The following CHRM2 variants were observed in gnomAD, a reference collection of about 807,000 sequenced individuals.
CHRM2 encodes the protein muscarinic acetylcholine receptor M2.
Under a neutral mutation model 25.0 loss-of-function variants are expected in CHRM2, and 8 were observed. That is an observed-to-expected ratio of 0.32 (90% confidence interval 0.19 to 0.58). The LOEUF is 0.58. Ranked by LOEUF, CHRM2 falls within the 20% of genes least tolerant of loss-of-function variation. The pLI, the probability that CHRM2 is intolerant of heterozygous loss-of-function variation, is 0.88. For missense variants in CHRM2, 440 were observed against 567.1 expected (o/e 0.78, Z 2.28); for synonymous variants, 202 against 205.7 (o/e 0.98, Z 0.15).
At chr7:136,895,275 G>C (rs1424304256) in intron 2 of CHRM2, among the ~76,000 whole-genome samples, 2 of 152,092 alleles carry the variant, frequency 1.3e-5, no homozygotes, top group Non-Finnish European at 2.9e-5. Context: ...TATAATTTGA[G>C]TATGTATAAG....
chr7:136,983,936 G>T (rs1471883038), intron 2 of CHRM2, among the ~76,000 whole-genome samples: 1 of 152,218 alleles, frequency 6.6e-6, no homozygotes, highest in Non-Finnish European at 1.5e-5. Flanking sequence ...CCTTGAGGAG[G>T]TAGTCTGTCC....
chr7:136,933,168 A>G (rs940930399), intron 2 of CHRM2, among the ~76,000 whole-genome samples: 3 of 152,244 alleles, frequency 2.0e-5, no homozygotes, highest in Non-Finnish European at 2.9e-5. Context: ...TGCAAATCAT[A>G]TATCTTTCAA....
At chr7:136,954,766 TCC>T (rs1800621485) in intron 2 of CHRM2, among the ~76,000 whole-genome samples, 4 of 152,196 alleles carry the variant, frequency 2.6e-5, no homozygotes, top group Non-Finnish European at 4.4e-5. Context: ...GATTCTTCCA[TCC>T]TCGTAGCTGC....
chr7:136,933,049 CATAAATAAAT>C (rs1799204265), intron 2 of CHRM2, among the ~76,000 whole-genome samples: 1 of 120,300 alleles, frequency 8.3e-6, no homozygotes, highest in Non-Finnish European at 1.9e-5. Context: ...TAAATAAATA[CATAAATAAAT>C]AAATAATTTT....
At chr7:136,968,983 C>A (rs769517780) in intron 2 of CHRM2, among the ~76,000 whole-genome samples, 1 of 151,774 alleles carries the variant, frequency 6.6e-6, no homozygotes, top group Non-Finnish European at 1.5e-5. Context: ...TAGTTTCACT[C>A]ATCAGAGCCT....
chr7:136,903,822 T>A (rs1338579621), intron 2 of CHRM2, among the ~76,000 whole-genome samples: 2 of 151,882 alleles, frequency 1.3e-5, no homozygotes, highest in Non-Finnish European at 1.5e-5. Flanking sequence ...TAATATGGCC[T>A]TGGGGTTTGG....
chr7:136,970,856 T>C (rs1439218162), intron 2 of CHRM2, among the ~76,000 whole-genome samples: 1 of 152,180 alleles, frequency 6.6e-6, no homozygotes, highest in African/African-American at 2.4e-5. Context: ...AGATTTTGCT[T>C]GGGTCCCAAA....
chr7:136,921,786 C>CTTTTTTTTTTTTTTTTTTTTTTTTTTT (rs1485518823), intron 2 of CHRM2, among the ~76,000 whole-genome samples: 1 of 110,490 alleles, frequency 9.1e-6, no homozygotes, highest in Non-Finnish European at 2.4e-5. Context: ...TTCTTTCTTT[C>CTTTTTTTTTTTTTTTTTTTTTTTTTTT]TTTCTTTCTT....
At chr7:136,968,328 A>G (rs1187507981) in intron 2 of CHRM2, among the ~76,000 whole-genome samples, 1 of 152,036 alleles carries the variant, frequency 6.6e-6, no homozygotes, top group Non-Finnish European at 1.5e-5. Context: ...CCCCAATAAG[A>G]TATCATCTGA....
chr7:137,016,935 TCC>T lies in CHRM2; in HGVS notation c.*671_*672del. The T allele has an allele frequency of 6.0e-6, 1 of 166,886 alleles. No individual in the cohort carries two copies. The allele number at this position is 166,886 out of a possible 1,614,324, so 10.3% of individuals were successfully genotyped here. A position where few individuals can be genotyped will look rare whatever the true frequency, so the allele number is the denominator to read the frequency against. On this transcript the variant is annotated 3_prime_UTR_variant, in exon 4 of 4. Coordinates refer to ENST00000680005, the MANE Select transcript of CHRM2 (RefSeq NM_001006630.2). ...TCTTGTTATGCCACTATTTTGTACA[TCC>T]CTGTTCTATATTGTTTATAGGGAAA...
At chr7:136,930,345 C>A (rs1367758201) in intron 2 of CHRM2, among the ~76,000 whole-genome samples, 1 of 151,602 alleles carries the variant, frequency 6.6e-6, no homozygotes, top group Non-Finnish European at 1.5e-5. Context: ...CTGAGGCCAA[C>A]AATAAAGGTT....
intron 2 of CHRM2, chr7:136,950,898 C>G (rs1800374447): frequency 6.6e-6 from 1 of 152,288 alleles, no homozygotes; most frequent in Non-Finnish European, 1.5e-5. Flanking sequence ...TCACTGCAGC[C>G]TGGGCTCAAG....
chr7:137,008,365 A>C (rs922669149), intron 3 of CHRM2, among the ~76,000 whole-genome samples: 2 of 152,064 alleles, frequency 1.3e-5, no homozygotes, highest in Non-Finnish European at 2.9e-5. Context: ...TTTGTACTGA[A>C]AGCTATGTAT....
At chr7:136,880,861 A>G (rs1397788705) in intron 2 of CHRM2, among the ~76,000 whole-genome samples, 4 of 151,788 alleles carry the variant, frequency 2.6e-5, no homozygotes, top group Non-Finnish European at 5.9e-5. Context: ...TGATGTCCTA[A>G]GGGATATCCT....
intron 2 of CHRM2, among the ~76,000 whole-genome samples, chr7:136,971,263 A>G (rs1801748393): frequency 6.6e-6 from 1 of 152,204 alleles, no homozygotes; most frequent in Non-Finnish European, 1.5e-5. Context: ...CCTGGACTAG[A>G]ACTCAGCTTC....
At chr7:136,988,943 T>G (rs1380746675) in intron 2 of CHRM2, among the ~76,000 whole-genome samples, 1 of 152,098 alleles carries the variant, frequency 6.6e-6, no homozygotes, top group Admixed American at 6.6e-5. Flanking sequence ...TTTAGTATAT[T>G]CGAATTTAAG....
chr7:137,014,643 A>G (rs1217638504), intron 3 of CHRM2, among the ~76,000 whole-genome samples, 177 bp from the exon 4 acceptor site: 1 of 151,946 alleles, frequency 6.6e-6, no homozygotes, highest in East Asian at 1.9e-4. Flanking sequence ...GTCCTTTTGA[A>G]TCCTCCATTT....
chr7:137,000,571 G>GGAAGGAAGGAAGGAAGGAAGGAAA (rs1221350235), intron 3 of CHRM2, among the ~76,000 whole-genome samples: 1 of 148,674 alleles, frequency 6.7e-6, no homozygotes, highest in Non-Finnish European at 1.5e-5. Context: ...AAGGAAGGAA[G>GGAAGGAAGGAAGGAAGGAAGGAAA]GAAGGAAGGA....
intron 2 of CHRM2, among the ~76,000 whole-genome samples, chr7:136,908,962 CAG>C (rs1345882473): frequency 2.0e-5 from 3 of 151,874 alleles, no homozygotes; most frequent in African/African-American, 7.3e-5. Flanking sequence ...CATTGAGTGA[CAG>C]GGAGATTTTT....
Sources: allele counts gnomAD v4.1 joint callset (sites outside exome capture counted in the v4.1 genomes callset), GRCh38; gene constraint gnomAD v4.1.1; transcripts MANE v1.5; gene names NCBI Gene and HGNC (gene_info 2026-07-23, HGNC 2026-07-21).